The following CNTN4 variants were observed in gnomAD, a reference collection of about 807,000 sequenced individuals.
The protein encoded by CNTN4 is contactin 4.
A neutral mutation model predicts 122.5 loss-of-function variants in CNTN4; 77 were observed. That is an observed-to-expected ratio of 0.63 (90% CI 0.52 to 0.76). The LOEUF is 0.76. Among genes scored for constraint, CNTN4 ranks in the 30% least tolerant of loss-of-function variants. CNTN4 has a pLI of 0.00. For missense variants in CNTN4, 1,256 were observed against 1,259.1 expected (o/e 1.00, Z 0.04); for synonymous variants, 512 against 447.0 (o/e 1.15, Z -1.83).
chr3:2,807,372 G>A (rs191641180), intron 6 of CNTN4, among the ~76,000 whole-genome samples: 64 of 152,182 alleles, frequency 4.2e-4, no homozygotes, highest in Non-Finnish European at 8.2e-4. Flanking sequence ...TTTCAAAACT[G>A]TAATTAAATG....
At chr3:2,803,459 C>G (rs1269525209) in intron 6 of CNTN4, among the ~76,000 whole-genome samples, 3 of 151,806 alleles carry the variant, frequency 2.0e-5, no homozygotes. Flanking sequence ...AAGACACAGG[C>G]TTTTTATATC....
chr3:2,717,818 G>T (rs767173584), intron 4 of CNTN4, among the ~76,000 whole-genome samples: 1 of 151,726 alleles, frequency 6.6e-6, no homozygotes, highest in Non-Finnish European at 1.5e-5. Context: ...TATTTTCTGG[G>T]TTTTTTTGTT....
intron 13 of CNTN4, among the ~76,000 whole-genome samples, chr3:2,974,907 A>G (rs886463747): frequency 8.5e-5 from 13 of 152,202 alleles, no homozygotes; most frequent in Admixed American, 2.6e-4. Context: ...AAATTAAAAC[A>G]TTTTTTGTTT....
At chr3:2,975,133 G>T (rs1693300753) in intron 13 of CNTN4, among the ~76,000 whole-genome samples, 1 of 151,278 alleles carries the variant, frequency 6.6e-6, no homozygotes, top group Admixed American at 6.6e-5. Context: ...ACATTAATAG[G>T]GACACATATT....
intron 2 of CNTN4, among the ~76,000 whole-genome samples, chr3:2,188,040 T>A (rs1201817642): frequency 6.6e-6 from 1 of 152,116 alleles, no homozygotes; most frequent in Non-Finnish European, 1.5e-5. Context: ...TTTGCTATAC[T>A]TGTCAAGTGC....
intron 2 of CNTN4, among the ~76,000 whole-genome samples, chr3:2,131,266 A>G (rs1327424373): frequency 6.6e-6 from 1 of 152,120 alleles, no homozygotes; most frequent in Non-Finnish European, 1.5e-5. Context: ...TAGACACCAA[A>G]TCTGGTGTGC....
chr3:2,583,000 G>A (rs922168252), intron 4 of CNTN4, among the ~76,000 whole-genome samples: 1 of 151,716 alleles, frequency 6.6e-6, no homozygotes, highest in Non-Finnish European at 1.5e-5. Flanking sequence ...TATATATGTT[G>A]CTTGGGCTGC....
At position 3,030,838 on chromosome 3, in the gene CNTN4, T is replaced by A; in HGVS notation, c.1663-17T>A. Reference sequence around the variant, plus strand: ...TCATTAAAAAGTAATTGCAGCCACTTTCCCCTACTTTATCAGCAGGATTCA... The same window carrying A: ...TCATTAAAAAGTAATTGCAGCCACTATCCCCTACTTTATCAGCAGGATTCA... On this transcript the variant is annotated splice_polypyrimidine_tract_variant and intron_variant, in intron 15 of 24. Coordinates refer to ENST00000418658, the MANE Select transcript of CNTN4 (RefSeq NM_175607.3). 1 of 1,613,758 alleles carries A rather than the reference T, an allele frequency of 6.2e-7. No individual in the cohort carries two copies. The highest frequency in any genetic ancestry group is 1.7e-4 in the Middle Eastern group (1 of 6,060).
intron 6 of CNTN4, among the ~76,000 whole-genome samples, chr3:2,751,632 G>A (rs890441047): frequency 6.6e-6 from 1 of 152,116 alleles, no homozygotes; most frequent in Non-Finnish European, 1.5e-5. Flanking sequence ...GATGTTTCCA[G>A]AGCTTGTGTC....
At chr3:2,170,528 A>C (rs73806368) in intron 2 of CNTN4, among the ~76,000 whole-genome samples, 2,327 of 152,310 alleles carry the variant, frequency 0.015, 63 homozygotes, top group African/African-American at 0.053. Flanking sequence ...TGTCATTCTA[A>C]GGATGTCACA....
At chr3:2,781,289 A>G (rs546927454) in intron 6 of CNTN4, among the ~76,000 whole-genome samples, 84 of 152,332 alleles carry the variant, frequency 5.5e-4, no homozygotes, top group African/African-American at 1.9e-3. Flanking sequence ...ATAGTTGGCC[A>G]TCTTGCAGGT....
chr3:2,398,827 C>G (rs574538523), intron 3 of CNTN4, among the ~76,000 whole-genome samples: 1 of 152,226 alleles, frequency 6.6e-6, no homozygotes, highest in African/African-American at 2.4e-5. Flanking sequence ...TTCAATTTTG[C>G]TAACTTATTT....
chr3:2,668,017 A>G lies in CNTN4; in HGVS notation c.56-68198A>G, dbSNP rs1233695583. Among the ~76,000 whole-genome samples the G allele has an allele frequency of 9.9e-5, 15 of 152,236 alleles. No homozygotes were observed. The South Asian group carries it at 2.1e-3, about 21-fold the overall frequency. ...TAGCCTTGTAGTATAGTTTGAAGTC[A>G]GGTAACATGATGCCTCCAGCTTTGT... On this transcript the variant is annotated intron_variant, in intron 4 of 24. Transcript: ENST00000418658.
intron 3 of CNTN4, among the ~76,000 whole-genome samples, chr3:2,454,025 C>T (rs2048918613): frequency 6.6e-6 from 1 of 150,582 alleles, no homozygotes; most frequent in Non-Finnish European, 1.5e-5. Context: ...AATTCTATAG[C>T]ATTCTGACAG....
chr3:2,789,926 T>C (rs984404546), intron 6 of CNTN4, among the ~76,000 whole-genome samples: 1 of 152,188 alleles, frequency 6.6e-6, no homozygotes, highest in Admixed American at 6.5e-5. Flanking sequence ...GCTTATGGTG[T>C]TTAGCCATTT....
At chr3:2,281,577 G>A (rs1036616342) in intron 2 of CNTN4, among the ~76,000 whole-genome samples, 4 of 152,048 alleles carry the variant, frequency 2.6e-5, no homozygotes, top group African/African-American at 9.6e-5. Context: ...GAAGCTCCCT[G>A]TCATGCCTGG....
chr3:2,693,207 A>G (rs190539449), intron 4 of CNTN4, among the ~76,000 whole-genome samples: 2 of 152,168 alleles, frequency 1.3e-5, no homozygotes, highest in Non-Finnish European at 2.9e-5. Context: ...GCTAAAATTT[A>G]TATAACCTGA....
At chr3:2,691,195 G>A (rs920272437) in intron 4 of CNTN4, among the ~76,000 whole-genome samples, 1 of 152,088 alleles carries the variant, frequency 6.6e-6, no homozygotes, top group Non-Finnish European at 1.5e-5. Flanking sequence ...TGTCTTTGAG[G>A]CATTCCTCAA....
At chr3:2,964,611 A>G (rs577786927) in intron 13 of CNTN4, among the ~76,000 whole-genome samples, 1 of 152,196 alleles carries the variant, frequency 6.6e-6, no homozygotes, top group African/African-American at 2.4e-5. Context: ...CCCATATGTG[A>G]CATAGCTGCT....
Sources: allele counts gnomAD v4.1 joint callset (sites outside exome capture counted in the v4.1 genomes callset), GRCh38; gene constraint gnomAD v4.1.1; transcripts MANE v1.5; gene names NCBI Gene and HGNC (gene_info 2026-07-23, HGNC 2026-07-21).